The following SPAG16 variants were observed in gnomAD, a reference collection of about 807,000 sequenced individuals.
SPAG16 encodes the protein sperm-associated antigen 16 protein.
Under a neutral mutation model 80.4 loss-of-function variants are expected in SPAG16, and 86 were observed. That is an observed-to-expected ratio of 1.07 (90% CI 0.90 to 1.28). The LOEUF (loss-of-function observed/expected upper bound fraction) is 1.28, where lower values mean the gene tolerates loss of function less well. SPAG16 is among the 50% of genes most tolerant of loss of function. SPAG16 has a pLI of 0.00. For synonymous variants in SPAG16, 294 were observed against 265.9 expected, an observed-to-expected ratio of 1.11 and a Z score of -1.03; for missense variants, 870 against 765.3, an observed-to-expected ratio of 1.14 and a Z score of -1.61.
At chr2:214,268,744 GGTGT>G (rs56365941) in intron 15 of SPAG16, among the ~76,000 whole-genome samples, 5 of 150,152 alleles carry the variant, frequency 3.3e-5, no homozygotes, top group Non-Finnish European at 1.5e-5. Flanking sequence ...GCATCTGAAG[GGTGT>G]GTGTGTGTGT....
chr2:214,297,138 ATGTACTTT>A, intron 15 of SPAG16, among the ~76,000 whole-genome samples: 1 of 152,114 alleles, frequency 6.6e-6, no homozygotes, highest in African/African-American at 2.4e-5. Flanking sequence ...AGACTAACAC[ATGTACTTT>A]TTAATGGGGT....
At chr2:213,769,272 A>G (rs897346768) in intron 10 of SPAG16, among the ~76,000 whole-genome samples, 6 of 152,280 alleles carry the variant, frequency 3.9e-5, no homozygotes, top group South Asian at 2.1e-4. Context: ...CCTTTTATAT[A>G]TCAGTGAGTT....
At chr2:213,604,329 C>T (rs2061177951) in intron 10 of SPAG16, among the ~76,000 whole-genome samples, 1 of 151,994 alleles carries the variant, frequency 6.6e-6, no homozygotes, top group Admixed American at 6.5e-5. Flanking sequence ...TTATTTTTTT[C>T]CTTTATTTTT....
At chr2:213,987,966 A>G (rs1164332357) in intron 12 of SPAG16, among the ~76,000 whole-genome samples, 1 of 151,086 alleles carries the variant, frequency 6.6e-6, no homozygotes, top group Non-Finnish European at 1.5e-5. Context: ...TGTTGAGTGG[A>G]AGGAGATAAT....
At chr2:213,728,923 A>ATT in intron 10 of SPAG16, among the ~76,000 whole-genome samples, 1 of 131,530 alleles carries the variant, frequency 7.6e-6, no homozygotes, top group African/African-American at 2.9e-5. Flanking sequence ...AAAAAAAAAG[A>ATT]TGATGGAATG....
At chr2:214,291,317 T>TTTG (rs1363448251) in intron 15 of SPAG16, among the ~76,000 whole-genome samples, 2 of 133,380 alleles carry the variant, frequency 1.5e-5, no homozygotes, top group Non-Finnish European at 3.2e-5. Context: ...TTTTTTTTTT[T>TTTG]TTTTTTGAGA....
chr2:213,977,988 T>C (rs2106403898), intron 12 of SPAG16, among the ~76,000 whole-genome samples: 1 of 152,114 alleles, frequency 6.6e-6, no homozygotes, highest in Non-Finnish European at 1.5e-5. Context: ...TCTACTTTTT[T>C]TTGTTGAGAG....
intron 10 of SPAG16, among the ~76,000 whole-genome samples, chr2:213,620,431 T>C (rs1174687284): frequency 2.0e-5 from 3 of 151,836 alleles, no homozygotes; most frequent in East Asian, 3.9e-4. Context: ...TAGCTGGGAC[T>C]ACAGGCACCC....
intron 15 of SPAG16, among the ~76,000 whole-genome samples, chr2:214,314,420 T>C (rs1695542924): frequency 6.6e-6 from 1 of 152,182 alleles, no homozygotes; most frequent in Non-Finnish European, 1.5e-5. Flanking sequence ...TGTTTCCAAG[T>C]TCTAAAACAT....
chr2:213,297,363 A>G lies in SPAG16; in HGVS notation c.279+6A>G. The G allele has an allele frequency of 6.4e-7, 1 of 1,573,220 alleles. No individual in the cohort carries two copies. Among genetic ancestry groups the G allele is most frequent in the East Asian group, 2.2e-5 (1 of 44,596 alleles). ...CTACAGATACTGAAATTTTGGTGAG[A>G]ATTTGAACACTAGTGTAGTCTATAG... On this transcript the variant is annotated splice_donor_region_variant and intron_variant, in intron 3 of 15. Transcript: ENST00000331683.
intron 10 of SPAG16, among the ~76,000 whole-genome samples, chr2:213,601,538 A>C (rs2061061600): frequency 6.6e-6 from 1 of 152,046 alleles, no homozygotes; most frequent in Admixed American, 6.5e-5. Flanking sequence ...TCTACAAACC[A>C]ACATGAATGG....
At chr2:214,009,204 C>A (rs2047173598) in intron 12 of SPAG16, among the ~76,000 whole-genome samples, 1 of 152,082 alleles carries the variant, frequency 6.6e-6, no homozygotes, top group South Asian at 2.1e-4. Context: ...TACTGCCATT[C>A]CCAGCTCAGC....
chr2:214,167,782 T>C (rs1576399186), intron 15 of SPAG16, among the ~76,000 whole-genome samples: 1 of 151,408 alleles, frequency 6.6e-6, no homozygotes, highest in East Asian at 1.9e-4. Context: ...TATTTGATAA[T>C]ATAATGTTTT....
At chr2:213,300,314 T>A (rs2062686932) in intron 3 of SPAG16, among the ~76,000 whole-genome samples, 1 of 152,194 alleles carries the variant, frequency 6.6e-6, no homozygotes, top group Non-Finnish European at 1.5e-5. Flanking sequence ...GTAGAATTTA[T>A]GGAATTTCTT....
intron 12 of SPAG16, among the ~76,000 whole-genome samples, chr2:213,931,872 T>A (rs933392717): frequency 1.3e-5 from 2 of 151,910 alleles, no homozygotes; most frequent in Non-Finnish European, 2.9e-5. Flanking sequence ...GGCATTGAGG[T>A]GGTGGATAAG....
At chr2:214,390,583 G>A (rs942335677) in intron 15 of SPAG16, among the ~76,000 whole-genome samples, 1 of 152,022 alleles carries the variant, frequency 6.6e-6, no homozygotes, top group African/African-American at 2.4e-5. Flanking sequence ...AACTGAATGG[G>A]CAGTTTAAAT....
At chr2:213,745,268 G>C (rs536842220) in intron 10 of SPAG16, among the ~76,000 whole-genome samples, 2 of 151,912 alleles carry the variant, frequency 1.3e-5, no homozygotes, top group African/African-American at 2.4e-5. Flanking sequence ...TTGAGATGAA[G>C]TTTTGTTCTT....
chr2:214,381,585 TTGA>T (rs1208928169), intron 15 of SPAG16, among the ~76,000 whole-genome samples: 1 of 152,238 alleles, frequency 6.6e-6, no homozygotes, highest in Admixed American at 6.5e-5. Flanking sequence ...TGCAAAATTG[TTGA>T]TGCATTCTTC....
chr2:213,360,753 A>G (rs944116101), intron 7 of SPAG16, among the ~76,000 whole-genome samples: 1 of 152,226 alleles, frequency 6.6e-6, no homozygotes, highest in Non-Finnish European at 1.5e-5. Flanking sequence ...GTACAGAGAA[A>G]ATATCTTAAA....
Sources: allele counts gnomAD v4.1 joint callset (sites outside exome capture counted in the v4.1 genomes callset), GRCh38; gene constraint gnomAD v4.1.1; transcripts MANE v1.5; gene names NCBI Gene and HGNC (gene_info 2026-07-23, HGNC 2026-07-21).